The following CNBD1 variants were observed in gnomAD, a reference collection of about 807,000 sequenced individuals.
The protein encoded by CNBD1 is cyclic nucleotide binding domain containing 1.
CNBD1 carries 71 observed loss-of-function variants against 54.4 expected under a neutral mutation model. The observed-to-expected ratio is 1.30, with a 90% CI of 1.08 to 1.59. CNBD1 has a LOEUF of 1.59. Among genes scored for constraint, CNBD1 ranks in the 40% most tolerant of loss-of-function variants. CNBD1 has a pLI of 0.00. For missense variants in CNBD1, 659 were observed against 518.0 expected, an observed-to-expected ratio of 1.27 and a Z score of -2.64; for synonymous variants, 182 against 170.7, an observed-to-expected ratio of 1.07 and a Z score of -0.51.
intron 1 of CNBD1, among the ~76,000 whole-genome samples, chr8:86,873,055 G>GCAA (rs938109307): frequency 2.0e-5 from 3 of 151,748 alleles, no homozygotes; most frequent in Non-Finnish European, 4.4e-5. Flanking sequence ...TCCAGCCTGA[G>GCAA]CAACAGCACA....
At chr8:87,339,609 A>G (rs906560004) in intron 8 of CNBD1, among the ~76,000 whole-genome samples, 1 of 151,992 alleles carries the variant, frequency 6.6e-6, no homozygotes, top group Non-Finnish European at 1.5e-5. Flanking sequence ...GGAACCATAA[A>G]TCTCATTTTG....
intron 5 of CNBD1, among the ~76,000 whole-genome samples, chr8:87,220,142 CAAT>C (rs1814299383): frequency 1.3e-5 from 2 of 151,680 alleles, no homozygotes; most frequent in South Asian, 2.1e-4. Context: ...ATGCAATCGC[CAAT>C]AATATTTAAC....
chr8:87,039,336 A>G (rs547495400), intron 4 of CNBD1, among the ~76,000 whole-genome samples: 1 of 152,218 alleles, frequency 6.6e-6, no homozygotes, highest in Non-Finnish European at 1.5e-5. Context: ...TTCCTAATTT[A>G]CTCAGTGGAT....
intron 6 of CNBD1, among the ~76,000 whole-genome samples, chr8:87,271,444 T>A (rs1808361176): frequency 6.6e-6 from 1 of 152,036 alleles, no homozygotes; most frequent in African/African-American, 2.4e-5. Context: ...ATATGTTGCA[T>A]GTCAATTTTC....
intron 4 of CNBD1, among the ~76,000 whole-genome samples, chr8:87,058,092 C>CA (rs1246917567): frequency 6.6e-6 from 1 of 151,916 alleles, no homozygotes; most frequent in South Asian, 2.1e-4. Context: ...TTGACCAAAA[C>CA]AAAAAGACTA....
intron 4 of CNBD1, among the ~76,000 whole-genome samples, chr8:87,053,284 A>C (rs1810348610): frequency 6.6e-6 from 1 of 152,168 alleles, no homozygotes. Context: ...TAAAATTAAC[A>C]CTTCCCTCAA....
intron 4 of CNBD1, among the ~76,000 whole-genome samples, chr8:87,017,575 G>A (rs73273627): frequency 0.042 from 6,382 of 152,166 alleles, 458 homozygotes; most frequent in African/African-American, 0.14. Flanking sequence ...CTTGCTACCT[G>A]ATAAGCAAAA....
At chr8:87,249,938 C>G (rs777246713) in intron 6 of CNBD1, among the ~76,000 whole-genome samples, 1 of 152,076 alleles carries the variant, frequency 6.6e-6, no homozygotes, top group Non-Finnish European at 1.5e-5. Flanking sequence ...AGTAATACCC[C>G]AAAAGCACAG....
chr8:87,204,216 A>C (rs925760897), intron 4 of CNBD1, among the ~76,000 whole-genome samples: 1 of 152,098 alleles, frequency 6.6e-6, no homozygotes, highest in African/African-American at 2.4e-5. Flanking sequence ...ATTTGTATCT[A>C]TTTGTTTTCA....
At chr8:87,369,619 A>G (rs925873413) in intron 10 of CNBD1, among the ~76,000 whole-genome samples, 3 of 152,004 alleles carry the variant, frequency 2.0e-5, no homozygotes, top group Non-Finnish European at 2.9e-5. Context: ...CACTTTGAGC[A>G]TGTTATTCCT....
At chr8:86,938,992 A>G (rs2130423762) in intron 3 of CNBD1, among the ~76,000 whole-genome samples, 1 of 152,272 alleles carries the variant, frequency 6.6e-6, no homozygotes, top group South Asian at 2.1e-4. Context: ...TTTCTTAAAC[A>G]CAGACAGCAC....
At chr8:87,310,228 A>C (rs866475410) in intron 8 of CNBD1, among the ~76,000 whole-genome samples, 40 of 152,046 alleles carry the variant, frequency 2.6e-4, no homozygotes, top group African/African-American at 8.7e-4. Context: ...GTGGTGGCAC[A>C]TGCTATAGTC....
At chr8:87,149,153 T>C (rs981822429) in intron 4 of CNBD1, among the ~76,000 whole-genome samples, 1 of 152,234 alleles carries the variant, frequency 6.6e-6, no homozygotes, top group Non-Finnish European at 1.5e-5. Context: ...GTAGGATATG[T>C]TATTTCTTTG....
intron 4 of CNBD1, among the ~76,000 whole-genome samples, chr8:87,113,296 A>C (rs1010429391): frequency 2.6e-5 from 4 of 152,214 alleles, no homozygotes; most frequent in Admixed American, 2.0e-4. Context: ...ACGTCACCTC[A>C]TGTTAGAATA....
At chr8:87,025,352 A>C (rs1262690305) in intron 4 of CNBD1, among the ~76,000 whole-genome samples, 1 of 152,154 alleles carries the variant, frequency 6.6e-6, no homozygotes, top group South Asian at 2.1e-4. Context: ...TGCTTTTCAC[A>C]ATAAATCTTG....
intron 4 of CNBD1, among the ~76,000 whole-genome samples, chr8:87,099,957 T>A (rs1165933315): frequency 2.0e-5 from 3 of 152,100 alleles, no homozygotes; most frequent in Non-Finnish European, 2.9e-5. Flanking sequence ...ACCCTATTTG[T>A]GGCAAACTCT....
intron 2 of CNBD1, among the ~76,000 whole-genome samples, chr8:87,409,487 A>G (rs1807704576): frequency 1.3e-5 from 2 of 152,160 alleles, no homozygotes; most frequent in Admixed American, 1.3e-4. Context: ...CAAATTATCC[A>G]GGAGATATAA....
intron 4 of CNBD1, among the ~76,000 whole-genome samples, chr8:87,011,370 C>T (rs1809218753): frequency 6.6e-6 from 1 of 151,994 alleles, no homozygotes; most frequent in Admixed American, 6.5e-5. Flanking sequence ...TTTGGGTTGC[C>T]TCTGTTAGTT....
intron 4 of CNBD1, among the ~76,000 whole-genome samples, chr8:87,064,715 A>G (rs1474905993): frequency 6.6e-6 from 1 of 151,900 alleles, no homozygotes; most frequent in Admixed American, 6.6e-5. Context: ...ATTTACTTTT[A>G]CTTTTAAAGG....
Sources: allele counts gnomAD v4.1 joint callset (sites outside exome capture counted in the v4.1 genomes callset), GRCh38; gene constraint gnomAD v4.1.1; transcripts MANE v1.5; gene names NCBI Gene and HGNC (gene_info 2026-07-23, HGNC 2026-07-21).